Variants in UBE2R2 observed in about 807,000 individuals in gnomAD.
UBE2R2 encodes the protein ubiquitin conjugating enzyme E2 R2, also known as ubiquitin-conjugating enzyme E2 R2.
In UBE2R2, 1 loss-of-function variant was observed where a neutral mutation model predicts 27.8. The ratio of observed to expected loss-of-function variants is 0.04; its 90% confidence interval spans 0.01 to 0.17. UBE2R2 has a LOEUF of 0.17. UBE2R2 is among the 10% of genes least tolerant of loss of function. The pLI is 1.00. For missense variants in UBE2R2, 100 were observed against 291.0 expected, an observed-to-expected ratio of 0.34 and a Z score of 4.78; for synonymous variants, 106 against 113.3, an observed-to-expected ratio of 0.94 and a Z score of 0.41.
chr9:33,859,756 C>T (rs540595919), intron 1 of UBE2R2, among the ~76,000 whole-genome samples: 1 of 113,258 alleles, frequency 8.8e-6, no homozygotes, highest in African/African-American at 3.2e-5. Context: ...GTTATCTAAG[C>T]CTTTTGTGTG....
intron 1 of UBE2R2, among the ~76,000 whole-genome samples, chr9:33,846,123 C>A (rs978392773): frequency 2.1e-4 from 28 of 135,314 alleles, no homozygotes; most frequent in South Asian, 9.7e-4. Context: ...GACTCCGTCT[C>A]AAAAAAAAAA....
At chr9:33,844,515 A>ATTT (rs34578523) in intron 1 of UBE2R2, among the ~76,000 whole-genome samples, 9 of 110,128 alleles carry the variant, frequency 8.2e-5, no homozygotes, top group South Asian at 3.1e-4. Flanking sequence ...TCCCACATCT[A>ATTT]TTTTTTTTTT....
At chr9:33,871,442 ATTAAT>A (rs1052553459) in intron 1 of UBE2R2, among the ~76,000 whole-genome samples, 4 of 152,222 alleles carry the variant, frequency 2.6e-5, no homozygotes, top group African/African-American at 4.8e-5. Flanking sequence ...AACTTTAAAA[ATTAAT>A]TTAAATAGGA....
At chr9:33,825,134 A>G (rs1342082086) in intron 1 of UBE2R2, among the ~76,000 whole-genome samples, 2 of 152,170 alleles carry the variant, frequency 1.3e-5, no homozygotes, top group African/African-American at 2.4e-5. Flanking sequence ...TATTAGGACA[A>G]TGATAACCTT....
At chr9:33,869,967 C>T (rs1211005600) in intron 1 of UBE2R2, among the ~76,000 whole-genome samples, 1 of 151,886 alleles carries the variant, frequency 6.6e-6, no homozygotes, top group African/African-American at 2.4e-5. Context: ...CTGCCTCAGT[C>T]TCCTGAGTAG....
chr9:33,866,054 A>G (rs1749277), intron 1 of UBE2R2, among the ~76,000 whole-genome samples: 9,047 of 149,076 alleles, frequency 0.061, 616 homozygotes, highest in African/African-American at 0.17. Context: ...CTAGTCTCGA[A>G]CTCCTGACCT....
At chr9:33,820,930 C>T (rs550903617) in intron 1 of UBE2R2, among the ~76,000 whole-genome samples, 4 of 152,242 alleles carry the variant, frequency 2.6e-5, no homozygotes, top group East Asian at 1.9e-4. Flanking sequence ...TATTTAATAT[C>T]GCCAATCCAC....
chr9:33,860,915 C>T (rs568000703), intron 1 of UBE2R2, among the ~76,000 whole-genome samples: 2 of 148,934 alleles, frequency 1.3e-5, no homozygotes, highest in South Asian at 2.2e-4. Context: ...CCCCTCCCCA[C>T]AATCGTTAAC....
chr9:33,864,597 T>C (rs1587454316), intron 1 of UBE2R2, among the ~76,000 whole-genome samples: 2 of 152,286 alleles, frequency 1.3e-5, no homozygotes, highest in East Asian at 3.9e-4. Context: ...TCGCCCAGGG[T>C]GGAGTGTGGT....
At chr9:33,882,950 G>A (rs1821762193) in intron 1 of UBE2R2, among the ~76,000 whole-genome samples, 1 of 152,094 alleles carries the variant, frequency 6.6e-6, no homozygotes, top group African/African-American at 2.4e-5. Flanking sequence ...TTAGCCAGGA[G>A]TGGTGGCACA....
chr9:33,861,633 A>G (rs1044595011), intron 1 of UBE2R2, among the ~76,000 whole-genome samples: 1 of 151,688 alleles, frequency 6.6e-6, no homozygotes, highest in Non-Finnish European at 1.5e-5. Flanking sequence ...TTAATTAGAT[A>G]ATGGGAAACA....
rs1394865935 is a variant in UBE2R2 at position 33,918,136 on chromosome 9, A to G, written c.*899A>G. 3 of 153,030 alleles carry G rather than the reference A, an allele frequency of 2.0e-5. No homozygotes were observed. The highest frequency in any genetic ancestry group is 2.1e-4 in the South Asian group (1 of 4,824). The allele number at this position is 153,030 out of a possible 1,614,324, so 9.5% of individuals were successfully genotyped here. ...TTTGGTTGATGCTACTGGGGGGAAAAAGTTGAAACTACTGGTGACCACTGT... is the reference window on the plus strand; with the variant it reads ...TTTGGTTGATGCTACTGGGGGGAAAGAGTTGAAACTACTGGTGACCACTGT... On this transcript the variant is annotated 3_prime_UTR_variant, in exon 5 of 5. Coordinates refer to ENST00000263228, the MANE Select transcript of UBE2R2 (RefSeq NM_017811.4).
At chr9:33,827,981 T>A (rs964112207) in intron 1 of UBE2R2, among the ~76,000 whole-genome samples, 12 of 140,094 alleles carry the variant, frequency 8.6e-5, no homozygotes, top group African/African-American at 2.6e-4. Flanking sequence ...AAAAAAAAAA[T>A]AAATACAAAT....
At chr9:33,866,805 T>C (rs1821373668) in intron 1 of UBE2R2, among the ~76,000 whole-genome samples, 1 of 152,216 alleles carries the variant, frequency 6.6e-6, no homozygotes, top group Non-Finnish European at 1.5e-5. Context: ...TCATACTCTT[T>C]ATTCATAGGA....
chr9:33,834,392 T>C (rs533965485), intron 1 of UBE2R2, among the ~76,000 whole-genome samples: 11 of 151,642 alleles, frequency 7.3e-5, no homozygotes, highest in East Asian at 5.9e-4. Flanking sequence ...TTTGTATTTT[T>C]AGTAGAGACG....
chr9:33,865,838 T>TG (rs889315221), intron 1 of UBE2R2, among the ~76,000 whole-genome samples: 28 of 150,728 alleles, frequency 1.9e-4, no homozygotes, highest in Admixed American at 1.5e-3. Context: ...TTTTTTTGTT[T>TG]TTTTTTTTTT....
intron 2 of UBE2R2, among the ~76,000 whole-genome samples, chr9:33,891,478 T>C (rs1489324931): frequency 6.6e-6 from 1 of 151,928 alleles, no homozygotes; most frequent in Admixed American, 6.6e-5. Flanking sequence ...AAATCCCACC[T>C]CTACTAAAAA....
At chr9:33,848,393 A>G (rs1271163498) in intron 1 of UBE2R2, among the ~76,000 whole-genome samples, 2 of 152,118 alleles carry the variant, frequency 1.3e-5, no homozygotes, top group East Asian at 3.9e-4. Context: ...TTTGCATACA[A>G]AATAATCCTG....
intron 2 of UBE2R2, among the ~76,000 whole-genome samples, chr9:33,891,045 G>GTTTTT: frequency 1.5e-5 from 1 of 68,936 alleles, no homozygotes; most frequent in Non-Finnish European, 3.1e-5. Context: ...TGTTGTTGTT[G>GTTTTT]TGTTTTTTTG....
Sources: allele counts gnomAD v4.1 joint callset (sites outside exome capture counted in the v4.1 genomes callset), GRCh38; gene constraint gnomAD v4.1.1; transcripts MANE v1.5; gene names NCBI Gene and HGNC (gene_info 2026-07-23, HGNC 2026-07-21).